The following TGFBR3 variants were observed in gnomAD, a reference collection of about 807,000 sequenced individuals.
TGFBR3 encodes the protein transforming growth factor beta receptor 3.
A neutral mutation model predicts 87.9 loss-of-function variants in TGFBR3; 46 were observed. The observed-to-expected ratio is 0.52, with a 90% confidence interval of 0.41 to 0.67. The LOEUF is 0.67. Ranked by LOEUF, TGFBR3 falls within the 30% of genes least tolerant of loss-of-function variation. The pLI, the probability that TGFBR3 is intolerant of heterozygous loss-of-function variation, is 0.00. For missense variants in TGFBR3, 866 were observed against 1,041.9 expected (o/e 0.83, Z 2.32); for synonymous variants, 381 against 391.6 (o/e 0.97, Z 0.32).
chr1:91,895,069 TGAGAC>T (rs547577524), intron 2 of TGFBR3, among the ~76,000 whole-genome samples: 148 of 152,162 alleles, frequency 9.7e-4, no homozygotes, highest in African/African-American at 3.4e-3. Flanking sequence ...CGCGCCCAGC[TGAGAC>T]ACTCTCTCTG....
chr1:91,781,775 T>C (rs888861085), intron 3 of TGFBR3, among the ~76,000 whole-genome samples: 2 of 152,016 alleles, frequency 1.3e-5, no homozygotes, highest in African/African-American at 2.4e-5. Flanking sequence ...CTAATAAACA[T>C]AGATCATTTC....
chr1:91,884,738 A>G (rs1357298649), intron 1 of TGFBR3, among the ~76,000 whole-genome samples: 1 of 152,240 alleles, frequency 6.6e-6, no homozygotes, highest in African/African-American at 2.4e-5. Context: ...GTATGGGCTT[A>G]GAAAACGTTA....
At chr1:91,832,713 T>A (rs1361374358) in intron 2 of TGFBR3, among the ~76,000 whole-genome samples, 1 of 152,182 alleles carries the variant, frequency 6.6e-6, no homozygotes, top group Non-Finnish European at 1.5e-5. Flanking sequence ...GAGAAAACTC[T>A]GAATCGGGGT....
chr1:91,805,384 C>T (rs1675790186), intron 2 of TGFBR3, among the ~76,000 whole-genome samples: 1 of 152,182 alleles, frequency 6.6e-6, no homozygotes, highest in Non-Finnish European at 1.5e-5. Context: ...TGCCGGGTGT[C>T]GTGTCTTGTT....
At chr1:91,818,306 T>C (rs1676318363) in intron 2 of TGFBR3, among the ~76,000 whole-genome samples, 2 of 39,424 alleles carry the variant, frequency 5.1e-5, no homozygotes, top group Non-Finnish European at 4.8e-5. Context: ...TTTTTTTTTT[T>C]TTTTTTTTTT....
chr1:91,824,785 C>G (rs370543599), intron 2 of TGFBR3, among the ~76,000 whole-genome samples: 3 of 152,092 alleles, frequency 2.0e-5, no homozygotes, highest in Admixed American at 2.0e-4. Flanking sequence ...GATGATGAAA[C>G]CCCATCTCTA....
At chr1:91,816,336 G>C (rs965013512) in intron 2 of TGFBR3, among the ~76,000 whole-genome samples, 1 of 152,176 alleles carries the variant, frequency 6.6e-6, no homozygotes, top group African/African-American at 2.4e-5. Context: ...ATCTGAGCCT[G>C]GTCTTTGAGA....
At chr1:91,764,317 C>CAAAAAAAAA (rs200776741) in intron 3 of TGFBR3, among the ~76,000 whole-genome samples, 56 of 77,298 alleles carry the variant, frequency 7.2e-4, no homozygotes, top group African/African-American at 1.1e-3. Context: ...ACAAAAGAGA[C>CAAAAAAAAA]AAAAAAAAAA....
At chr1:91,739,697 C>T (rs1673086257) in intron 4 of TGFBR3, among the ~76,000 whole-genome samples, 1 of 152,136 alleles carries the variant, frequency 6.6e-6, no homozygotes, top group Non-Finnish European at 1.5e-5. Flanking sequence ...ACCAAGAACC[C>T]TGCTGCATTA....
At chr1:91,872,557 G>A (rs940085607) in intron 1 of TGFBR3, among the ~76,000 whole-genome samples, 5 of 152,158 alleles carry the variant, frequency 3.3e-5, no homozygotes, top group Non-Finnish European at 5.9e-5. Context: ...AAAGTCTCAA[G>A]ACTGAGCACA....
intron 2 of TGFBR3, among the ~76,000 whole-genome samples, chr1:91,798,967 T>TCA (rs1184623199): frequency 6.6e-6 from 1 of 152,138 alleles, no homozygotes; most frequent in Non-Finnish European, 1.5e-5. Flanking sequence ...TGCTTACTCC[T>TCA]CACACACTTC....
chr1:91,725,312 C>T (rs1373281892), intron 7 of TGFBR3, among the ~76,000 whole-genome samples: 1 of 152,118 alleles, frequency 6.6e-6, no homozygotes, highest in Non-Finnish European at 1.5e-5. Context: ...CTTACAATTC[C>T]CTTAGTAGAC....
chr1:91,716,353 G>A lies in TGFBR3; in HGVS notation c.1749C>T (p.Phe583=). The A allele has an allele frequency of 6.2e-7, 1 of 1,614,164 alleles. No individual in the cohort carries two copies. Among genetic ancestry groups the A allele is most frequent in the Non-Finnish European group, 8.5e-7 (1 of 1,180,024 alleles). The stretch of plus-strand genomic sequence containing the variant: ...TGATGTTTCCGTGGGGCTGTTCCTG[G>A]AAGCTGCTGGGGTTCCTCACCTGCT... ...SLQQVRNPSS[F]QEQPHGNITF... is the part of the protein sequence containing the mutation. The change falls in exon 12 of 17, where the codon TTC becomes TTT. Residue 583 remains phenylalanine, a synonymous_variant. Transcript: ENST00000212355.
intron 3 of TGFBR3, among the ~76,000 whole-genome samples, chr1:91,784,904 A>T (rs1332266689): frequency 2.6e-5 from 4 of 152,138 alleles, no homozygotes; most frequent in Non-Finnish European, 4.4e-5. Flanking sequence ...TTCATCCTCT[A>T]TTACAGGAAT....
chr1:91,785,816 G>GCGC (rs1316831212), intron 3 of TGFBR3, among the ~76,000 whole-genome samples: 8 of 150,058 alleles, frequency 5.3e-5, no homozygotes, highest in African/African-American at 2.0e-4. Flanking sequence ...CTCCCAGGTT[G>GCGC]GAGTGCAGTG....
chr1:91,705,926 T>G (rs1671786573), intron 14 of TGFBR3, among the ~76,000 whole-genome samples: 1 of 152,134 alleles, frequency 6.6e-6, no homozygotes, highest in Admixed American at 6.5e-5. Context: ...TATACTAAGT[T>G]TAAATAAAAG....
chr1:91,849,636 A>G (rs561314310), intron 2 of TGFBR3, among the ~76,000 whole-genome samples: 44 of 152,268 alleles, frequency 2.9e-4, no homozygotes, highest in Non-Finnish European at 5.0e-4. Context: ...GTCTCTCTCC[A>G]CTAGAGACAT....
intron 3 of TGFBR3, among the ~76,000 whole-genome samples, chr1:91,781,003 G>C (rs1215125430): frequency 6.6e-6 from 1 of 151,750 alleles, no homozygotes; most frequent in East Asian, 1.9e-4. Context: ...CTGATGAACT[G>C]ATGTGTGAAC....
At chr1:91,796,704 T>A (rs923611778) in intron 3 of TGFBR3, among the ~76,000 whole-genome samples, 4 of 152,180 alleles carry the variant, frequency 2.6e-5, no homozygotes, top group African/African-American at 9.7e-5. Context: ...CTCACAATCA[T>A]GTTTAAAAGA....
Sources: gnomAD v4.1 joint callset for allele counts (sites outside exome capture counted in the v4.1 genomes callset) on GRCh38, gnomAD v4.1.1 for gene constraint, MANE v1.5 for transcripts, NCBI Gene and HGNC (gene_info 2026-07-23, HGNC 2026-07-21) for gene names.